The following XKR6 variants were observed in gnomAD, a reference collection of about 807,000 sequenced individuals.
The protein encoded by XKR6 is XK related 6.
XKR6 carries 22 observed loss-of-function variants against 56.7 expected under a neutral mutation model. The ratio of observed to expected loss-of-function variants is 0.39; its 90% CI spans 0.28 to 0.55. XKR6 has a LOEUF of 0.55. Among genes scored for constraint, XKR6 ranks in the 20% least tolerant of loss-of-function variants. The probability of loss-of-function intolerance (pLI) is 0.66; values close to 1 mark genes in which losing one functional copy is unlikely to be tolerated. For synonymous variants in XKR6, 524 were observed against 387.8 expected, an observed-to-expected ratio of 1.35 and a Z score of -4.13; for missense variants, 852 against 889.0, an observed-to-expected ratio of 0.96 and a Z score of 0.53.
At chr8:11,061,795 T>C (rs1799841951) in intron 1 of XKR6, among the ~76,000 whole-genome samples, 1 of 152,078 alleles carries the variant, frequency 6.6e-6, no homozygotes, top group Non-Finnish European at 1.5e-5. Context: ...GGAAGGGGGC[T>C]GGGCTGAAGA....
intron 1 of XKR6, among the ~76,000 whole-genome samples, chr8:10,989,452 G>T (rs566213378): frequency 4.2e-4 from 64 of 152,224 alleles, no homozygotes; most frequent in African/African-American, 1.4e-3. Context: ...TCTACGTTAC[G>T]TTTAATTTAA....
intron 1 of XKR6, among the ~76,000 whole-genome samples, chr8:11,041,055 C>A (rs1375691815): frequency 6.6e-6 from 1 of 152,080 alleles, no homozygotes; most frequent in East Asian, 1.9e-4. Flanking sequence ...TGGCCCATTC[C>A]AGCCTCTCAA....
chr8:10,972,392 A>G (rs919884518), intron 1 of XKR6, among the ~76,000 whole-genome samples: 1 of 152,220 alleles, frequency 6.6e-6, no homozygotes, highest in Middle Eastern at 3.2e-3. Context: ...AGCATTCTGT[A>G]AACTCCAAAG....
chr8:11,151,662 A>T (rs1415470186), intron 1 of XKR6, among the ~76,000 whole-genome samples: 2 of 152,008 alleles, frequency 1.3e-5, no homozygotes, highest in Non-Finnish European at 2.9e-5. Context: ...CAGAAAATCC[A>T]GACCCACGAT....
At chr8:11,016,399 G>A (rs991165411) in intron 1 of XKR6, among the ~76,000 whole-genome samples, 4 of 152,212 alleles carry the variant, frequency 2.6e-5, no homozygotes, top group Admixed American at 1.3e-4. Context: ...GGGACTCGGG[G>A]TCCTAGTGCC....
chr8:10,972,323 G>A (rs751857560), intron 1 of XKR6, among the ~76,000 whole-genome samples: 31 of 152,226 alleles, frequency 2.0e-4, no homozygotes, highest in South Asian at 1.2e-3. Context: ...ACTGACCATC[G>A]GCAATTACCA....
intron 1 of XKR6, among the ~76,000 whole-genome samples, chr8:11,015,888 G>T (rs1798608063): frequency 6.6e-6 from 1 of 151,926 alleles, no homozygotes; most frequent in Non-Finnish European, 1.5e-5. Context: ...CGCCCCAAAG[G>T]TGGGCGGCGG....
chr8:11,155,701 A>G (rs1225084572), intron 1 of XKR6, among the ~76,000 whole-genome samples: 1 of 152,186 alleles, frequency 6.6e-6, no homozygotes, highest in East Asian at 1.9e-4. Flanking sequence ...CACTGGCACT[A>G]CAGAAGTCTC....
intron 2 of XKR6, among the ~76,000 whole-genome samples, chr8:10,914,748 A>AGAAGAACC (rs1800506592): frequency 6.6e-6 from 1 of 151,974 alleles, no homozygotes; most frequent in Non-Finnish European, 1.5e-5. Flanking sequence ...GAAATCTCAC[A>AGAAGAACC]GCTCCCTGGT....
intron 2 of XKR6, among the ~76,000 whole-genome samples, chr8:10,916,896 T>C (rs895445592): frequency 2.9e-4 from 44 of 152,154 alleles, no homozygotes; most frequent in African/African-American, 1.1e-3. Flanking sequence ...GGGCTTCTGA[T>C]ATAAAAGGAG....
chr8:11,019,445 T>C (rs562267656), intron 1 of XKR6, among the ~76,000 whole-genome samples: 1 of 152,300 alleles, frequency 6.6e-6, no homozygotes, highest in East Asian at 1.9e-4. Context: ...CCATCCCACC[T>C]CTTCAGAGCT....
chr8:11,161,612 G>A (rs545650056), intron 1 of XKR6, among the ~76,000 whole-genome samples: 1 of 152,282 alleles, frequency 6.6e-6, no homozygotes, highest in Non-Finnish European at 1.5e-5. Context: ...TCTTTCAGAT[G>A]TTTTCATCTT....
chr8:11,138,908 T>C (rs1416688399), intron 1 of XKR6, among the ~76,000 whole-genome samples: 3 of 147,600 alleles, frequency 2.0e-5, no homozygotes, highest in Non-Finnish European at 3.0e-5. Context: ...ATCTGGGCCA[T>C]TTCACCGGCA....
intron 1 of XKR6, among the ~76,000 whole-genome samples, chr8:11,020,722 G>A (rs1473882297): frequency 7.9e-5 from 12 of 152,140 alleles, no homozygotes. Flanking sequence ...GAACTCTTAC[G>A]CCTTTTTCCT....
At chr8:10,939,503 A>G (rs1217367234) in intron 1 of XKR6, among the ~76,000 whole-genome samples, 2 of 152,164 alleles carry the variant, frequency 1.3e-5, no homozygotes, top group African/African-American at 4.8e-5. Context: ...GAGAGGGGTG[A>G]CCTCACTGCC....
Position 10,897,885 on chromosome 8 carries a change from T to C in XKR6, c.*67A>G. The C allele has an allele frequency of 6.6e-7, 1 of 1,509,556 alleles. No homozygotes were observed. Among genetic ancestry groups the C allele is most frequent in the Non-Finnish European group, 8.8e-7 (1 of 1,131,566 alleles). 93.5% of individuals were successfully genotyped at this position (1,509,556 alleles called of 1,614,324 possible). On this transcript the variant is annotated 3_prime_UTR_variant, in exon 3 of 3. Coordinates refer to ENST00000416569, the MANE Select transcript of XKR6 (RefSeq NM_173683.4). ...TGTATTGGGGGAAGGGAGGGTTATATTTCTTGCAAGTGCTGTTTGCCGCAA... is the reference window on the plus strand; with the variant it reads ...TGTATTGGGGGAAGGGAGGGTTATACTTCTTGCAAGTGCTGTTTGCCGCAA...
rs1253450672 is a variant in XKR6, at chr8:10,913,166, GTA to G, written c.961+11466_961+11467del. On this transcript the variant is annotated intron_variant, in intron 2 of 2. Coordinates refer to ENST00000416569, the MANE Select transcript of XKR6 (RefSeq NM_173683.4). ...TGTGTATGTATATGTGTGTGTGTGTGTATATAGTCTCTATATTTATACTCAAT... is the reference window on the plus strand; with the variant it reads ...TGTGTATGTATATGTGTGTGTGTGTGTATAGTCTCTATATTTATACTCAAT... Among the ~76,000 whole-genome samples the G allele has an allele frequency of 2.6e-5, 4 of 151,704 alleles. No individual in the cohort carries two copies. In the East Asian group the frequency reaches 7.7e-4, roughly 29 times the overall value.
intron 1 of XKR6, among the ~76,000 whole-genome samples, chr8:11,139,804 C>T (rs930385966): frequency 6.6e-6 from 1 of 152,162 alleles, no homozygotes. Flanking sequence ...CACATACAAA[C>T]AAGCACCGAA....
intron 1 of XKR6, among the ~76,000 whole-genome samples, chr8:10,944,019 A>T (rs1301896844): frequency 6.6e-6 from 1 of 151,334 alleles, no homozygotes; most frequent in African/African-American, 2.4e-5. Context: ...AGCTCTCCTT[A>T]CCCCCGACCC....
Sources: allele counts gnomAD v4.1 joint callset (sites outside exome capture counted in the v4.1 genomes callset), GRCh38; gene constraint gnomAD v4.1.1; transcripts MANE v1.5; gene names NCBI Gene and HGNC (gene_info 2026-07-23, HGNC 2026-07-21).